SLC25A21: variants seen among roughly 807,000 people sequenced by gnomAD.
The protein encoded by SLC25A21 is solute carrier family 25 member 21, also known as mitochondrial 2-oxodicarboxylate carrier.
In SLC25A21, 47 loss-of-function variants were observed where a neutral mutation model predicts 43.8. The ratio of observed to expected loss-of-function variants is 1.07; its 90% CI spans 0.85 to 1.37. SLC25A21 has a LOEUF of 1.37. Among genes scored for constraint, SLC25A21 ranks in the 40% most tolerant of loss-of-function variants. The pLI is 0.00. For synonymous variants in SLC25A21, 131 were observed against 121.3 expected (o/e 1.08, Z -0.52); for missense variants, 352 against 350.2 (o/e 1.00, Z -0.04).
chr14:37,039,904 G>A (rs1297832916), intron 1 of SLC25A21, among the ~76,000 whole-genome samples: 1 of 152,014 alleles, frequency 6.6e-6, no homozygotes, highest in Non-Finnish European at 1.5e-5. Flanking sequence ...GTTGAAAGTA[G>A]TTACAGGGGG....
At chr14:36,789,253 A>G (rs1264056354) in intron 3 of SLC25A21, among the ~76,000 whole-genome samples, 1 of 152,196 alleles carries the variant, frequency 6.6e-6, no homozygotes, top group Non-Finnish European at 1.5e-5. Context: ...AATGAACAGG[A>G]GGAGTCATTT....
At position 36,964,688 on chromosome 14, in the gene SLC25A21, C is replaced by A. The variant is rs150391291; in HGVS notation, c.71-89684G>T. Among the ~76,000 whole-genome samples the A allele has an allele frequency of 3.4e-3, 513 of 152,292 alleles. 3 individuals are homozygous for A. Among genetic ancestry groups the A allele is most frequent in the African/African-American group, 0.012 (502 of 41,564 alleles). On this transcript the variant is annotated intron_variant, in intron 1 of 9. Transcript: ENST00000331299. ...AATACATTTAGGTATTAAGCAGTGACTATAAATATAAGTAGAATCAGGGCC... is the reference window on the plus strand; with the variant it reads ...AATACATTTAGGTATTAAGCAGTGAATATAAATATAAGTAGAATCAGGGCC...
chr14:37,131,051 T>A (rs1325680826), intron 1 of SLC25A21, among the ~76,000 whole-genome samples: 1 of 152,224 alleles, frequency 6.6e-6, no homozygotes, highest in Non-Finnish European at 1.5e-5. Flanking sequence ...TCAGAGTTGC[T>A]GGTAATCTAT....
intron 1 of SLC25A21, among the ~76,000 whole-genome samples, chr14:36,889,096 C>T (rs532692222): frequency 3.3e-5 from 5 of 152,300 alleles, no homozygotes; most frequent in African/African-American, 1.2e-4. Context: ...CTTTGCTATG[C>T]TCCCATGAAT....
chr14:36,827,606 A>G (rs962082141), intron 2 of SLC25A21, among the ~76,000 whole-genome samples: 3 of 152,228 alleles, frequency 2.0e-5, no homozygotes, highest in East Asian at 3.8e-4. Flanking sequence ...TGGTGAAATC[A>G]GTATATTCAC....
At chr14:37,076,336 T>C (rs1962280522) in intron 1 of SLC25A21, among the ~76,000 whole-genome samples, 1 of 151,210 alleles carries the variant, frequency 6.6e-6, no homozygotes, top group Non-Finnish European at 1.5e-5. Flanking sequence ...AATTTTTGTA[T>C]TTTTAGTAGA....
At position 36,940,483 on chromosome 14, in the gene SLC25A21, G is replaced by C. The variant is rs148730320; in HGVS notation, c.71-65479C>G. On this transcript the variant is annotated intron_variant, in intron 1 of 9. Transcript: ENST00000331299. Reference sequence around the variant, plus strand: ...AGGCATGAGGGTGTCCTTTTACAGAGGCCTAAATCAAATACAGAAAAAAGT... The same window carrying C: ...AGGCATGAGGGTGTCCTTTTACAGACGCCTAAATCAAATACAGAAAAAAGT... Among the ~76,000 whole-genome samples, 861 of 152,028 alleles carry C rather than the reference G, an allele frequency of 5.7e-3. 7 individuals are homozygous for C. Among genetic ancestry groups the C allele is most frequent in the African/African-American group, 0.02 (835 of 41,478 alleles).
intron 3 of SLC25A21, among the ~76,000 whole-genome samples, chr14:36,778,823 ATTGT>A (rs1347532572): frequency 6.6e-6 from 1 of 152,162 alleles, no homozygotes; most frequent in Non-Finnish European, 1.5e-5. Context: ...ACTTTTTGTT[ATTGT>A]TTTAGTGAGA....
At chr14:36,685,208 T>A (rs189550306) in intron 7 of SLC25A21, among the ~76,000 whole-genome samples, 1 of 152,332 alleles carries the variant, frequency 6.6e-6, no homozygotes, top group Admixed American at 6.5e-5. Context: ...TGGGGATGAT[T>A]TGTATAATTG....
chr14:36,725,758 A>G, intron 5 of SLC25A21, 81 bp from the exon 6 acceptor site: 1 of 806,526 alleles, frequency 1.2e-6, no homozygotes, highest in Admixed American at 2.5e-5. Flanking sequence ...TACACTATGC[A>G]GCTGAACGTT....
At chr14:37,104,282 C>G (rs531279749) in intron 1 of SLC25A21, among the ~76,000 whole-genome samples, 1 of 152,134 alleles carries the variant, frequency 6.6e-6, no homozygotes, top group Admixed American at 6.6e-5. Context: ...AAGAAGGTAC[C>G]AGCCATGAGG....
chr14:36,913,036 G>A (rs976660246), intron 1 of SLC25A21, among the ~76,000 whole-genome samples: 2 of 151,968 alleles, frequency 1.3e-5, no homozygotes, highest in African/African-American at 2.4e-5. Context: ...CATTGGCTGA[G>A]AGAATTTTTT....
At chr14:37,091,536 T>C (rs1962586611) in intron 1 of SLC25A21, among the ~76,000 whole-genome samples, 1 of 151,556 alleles carries the variant, frequency 6.6e-6, no homozygotes, top group Non-Finnish European at 1.5e-5. Context: ...TAGCACTAAA[T>C]AGACTGCAAA....
At chr14:37,016,318 G>A (rs1319501743) in intron 1 of SLC25A21, among the ~76,000 whole-genome samples, 2 of 152,108 alleles carry the variant, frequency 1.3e-5, no homozygotes, top group African/African-American at 2.4e-5. Context: ...CCCATTGCTT[G>A]TTTTTCTCAG....
chr14:36,914,702 G>GTA (rs1891782996), intron 1 of SLC25A21, among the ~76,000 whole-genome samples: 1 of 152,028 alleles, frequency 6.6e-6, no homozygotes, highest in Admixed American at 6.6e-5. Context: ...TGCAAATAGG[G>GTA]TATCTTGCAC....
intron 1 of SLC25A21, among the ~76,000 whole-genome samples, chr14:36,981,938 T>A (rs1026159368): frequency 3.9e-5 from 6 of 152,228 alleles, no homozygotes; most frequent in Non-Finnish European, 8.8e-5. Context: ...CTGATTTTAA[T>A]CCTCACAATT....
At chr14:36,852,821 A>AAT (rs138833994) in intron 2 of SLC25A21, among the ~76,000 whole-genome samples, 4,103 of 152,194 alleles carry the variant, frequency 0.027, 168 homozygotes, top group African/African-American at 0.092. Context: ...TTTAGGTTTA[A>AAT]ATATATATAT....
intron 1 of SLC25A21, among the ~76,000 whole-genome samples, chr14:37,077,893 C>T (rs918414122): frequency 2.0e-4 from 30 of 152,092 alleles, no homozygotes; most frequent in African/African-American, 7.2e-4. Context: ...GGGGCTTTTG[C>T]TTTCCTTCTT....
chr14:36,910,948 T>C (rs1402193352), intron 1 of SLC25A21, among the ~76,000 whole-genome samples: 2 of 152,208 alleles, frequency 1.3e-5, no homozygotes, highest in Non-Finnish European at 2.9e-5. Context: ...TCTATTCCTA[T>C]GTATTGTGAT....
Sources: gnomAD v4.1 joint callset for allele counts (sites outside exome capture counted in the v4.1 genomes callset) on GRCh38, gnomAD v4.1.1 for gene constraint, MANE v1.5 for transcripts, NCBI Gene and HGNC (gene_info 2026-07-23, HGNC 2026-07-21) for gene names.